The following STK3 variants were observed in gnomAD, a reference collection of about 807,000 sequenced individuals.
STK3 encodes the protein serine/threonine kinase 3, also known as serine/threonine-protein kinase 3.
In STK3, 41 loss-of-function variants were observed where a neutral mutation model predicts 58.0. The observed-to-expected ratio is 0.71, with a 90% CI of 0.55 to 0.92. STK3 has a LOEUF of 0.92. STK3 is among the 40% of genes least tolerant of loss of function. STK3 has a pLI of 0.00. For synonymous variants in STK3, 170 were observed against 191.0 expected (o/e 0.89, Z 0.91); for missense variants, 479 against 602.7 (o/e 0.79, Z 2.15).
chr8:98,791,828 G>A (rs1832823704), intron 1 of STK3, among the ~76,000 whole-genome samples: 2 of 152,016 alleles, frequency 1.3e-5, no homozygotes, highest in African/African-American at 4.8e-5. Flanking sequence ...GATGGATCAG[G>A]GACTTAAATC....
At chr8:98,508,821 C>A (rs1824281676) in intron 10 of STK3, among the ~76,000 whole-genome samples, 2 of 151,874 alleles carry the variant, frequency 1.3e-5, no homozygotes, top group African/African-American at 4.8e-5. Context: ...TTAAAGTAAG[C>A]AAAATTATTA....
At chr8:98,776,231 T>G (rs1388194010) in intron 1 of STK3, among the ~76,000 whole-genome samples, 1 of 152,218 alleles carries the variant, frequency 6.6e-6, no homozygotes, top group Non-Finnish European at 1.5e-5. Flanking sequence ...GTAAACCTGC[T>G]GTGTGGGAAA....
chr8:98,904,849 C>A, intron 1 of STK3: 1 of 671,118 alleles, frequency 1.5e-6, no homozygotes. Flanking sequence ...AGGTATCTGT[C>A]TTAGGGATTA....
intron 1 of STK3, among the ~76,000 whole-genome samples, chr8:98,891,012 T>A (rs1380797364): frequency 6.6e-6 from 1 of 152,252 alleles, no homozygotes; most frequent in Non-Finnish European, 1.5e-5. Context: ...TACAAATGCC[T>A]TCTACTCAGT....
At chr8:98,491,355 A>G (rs917040841) in intron 10 of STK3, among the ~76,000 whole-genome samples, 1 of 152,172 alleles carries the variant, frequency 6.6e-6, no homozygotes, top group African/African-American at 2.4e-5. Flanking sequence ...TTTAGCGATG[A>G]GTATAAAAAC....
At chr8:98,649,474 T>C (rs571088239) in intron 6 of STK3, among the ~76,000 whole-genome samples, 17 of 152,326 alleles carry the variant, frequency 1.1e-4, no homozygotes, top group African/African-American at 3.4e-4. Context: ...GTCTCTAGTA[T>C]ACTTAGAATT....
At chr8:98,747,007 A>C (rs1829684581) in intron 4 of STK3, among the ~76,000 whole-genome samples, 1 of 151,642 alleles carries the variant, frequency 6.6e-6, no homozygotes, top group South Asian at 2.1e-4. Context: ...ACACCACTGC[A>C]TTCTAGCCTG....
chr8:98,808,324 A>G (rs1475753174), intron 1 of STK3, among the ~76,000 whole-genome samples: 1 of 152,232 alleles, frequency 6.6e-6, no homozygotes, highest in African/African-American at 2.4e-5. Context: ...AAACACATGA[A>G]ACAGCTCAGT....
At chr8:98,366,931 C>T (rs531193093), downstream of STK3, among the ~76,000 whole-genome samples, 1 of 152,320 alleles carries the variant, frequency 6.6e-6, no homozygotes, top group Non-Finnish European at 1.5e-5. Context: ...TTGTCACTGC[C>T]CTGTAAGTCA....
chr8:98,413,855 T>C (rs1226521103), intron 3 of STK3: 7 of 538,528 alleles, frequency 1.3e-5, no homozygotes, highest in African/African-American at 3.8e-5. Flanking sequence ...AAGCCAGTAA[T>C]GGTGTGTCAA....
At chr8:98,618,251 C>A (rs867905317) in intron 6 of STK3, among the ~76,000 whole-genome samples, 3 of 149,656 alleles carry the variant, frequency 2.0e-5, no homozygotes, top group Middle Eastern at 3.4e-3. Flanking sequence ...AAGCCTTTGA[C>A]AAAATTCAAC....
chr8:98,698,975 A>G (rs1229497711), intron 6 of STK3, among the ~76,000 whole-genome samples: 1 of 152,154 alleles, frequency 6.6e-6, no homozygotes, highest in Non-Finnish European at 1.5e-5. Flanking sequence ...ACTTGGTTCC[A>G]TTCTCCCCGT....
At chr8:98,352,032 G>A in the STK3 span, among the ~76,000 whole-genome samples, 1 of 151,640 alleles carries the variant, frequency 6.6e-6, no homozygotes, top group Non-Finnish European at 1.5e-5. Context: ...AGCTACCTGG[G>A]AGGCTGAGGC....
intron 3 of STK3, chr8:98,413,857 G>A (rs1421844042): frequency 1.9e-6 from 1 of 535,318 alleles, no homozygotes; most frequent in Non-Finnish European, 3.5e-6. Context: ...GCCAGTAATG[G>A]TGTGTCAAGA....
chr8:98,424,350 CAG>C (rs1818205451), intron 3 of STK3, among the ~76,000 whole-genome samples: 1 of 152,210 alleles, frequency 6.6e-6, no homozygotes. Context: ...GGCTTAGACA[CAG>C]GGCCCTAGTG....
chr8:98,680,259 G>C (rs140576219), intron 6 of STK3, among the ~76,000 whole-genome samples: 1 of 152,222 alleles, frequency 6.6e-6, no homozygotes, highest in Non-Finnish European at 1.5e-5. Context: ...GAGGCAATCA[G>C]AAGAAATACA....
intron 4 of STK3, among the ~76,000 whole-genome samples, chr8:98,731,384 T>C (rs1469260841): frequency 6.6e-6 from 1 of 152,096 alleles, no homozygotes; most frequent in African/African-American, 2.4e-5. Context: ...ATTCTGGCAT[T>C]TATCCCCAGA....
At position 98,495,447 on chromosome 8, in the gene STK3, G is replaced by C. The variant is rs565809536; in HGVS notation, c.1317+31295C>G. 1.4e-4 allele frequency among the ~76,000 whole-genome samples: 21 copies of C among 152,170 alleles called. No individual in the cohort carries two copies. In the South Asian group the frequency reaches 4.4e-3, roughly 32 times the overall value. On this transcript the variant is annotated intron_variant, in intron 10 of 10. Coordinates refer to ENST00000419617, the MANE Select transcript of STK3 (RefSeq NM_006281.4). ...TAGAGGAGCTCTGACCATGAAAAATGTTTTATAAATAGTTCCATGTGCACT... is the reference window on the plus strand; with the variant it reads ...TAGAGGAGCTCTGACCATGAAAAATCTTTTATAAATAGTTCCATGTGCACT...
At chr8:98,646,098 A>C (rs899521701) in intron 6 of STK3, among the ~76,000 whole-genome samples, 8 of 152,240 alleles carry the variant, frequency 5.3e-5, no homozygotes, top group Non-Finnish European at 4.4e-5. Flanking sequence ...GGAAAATAAA[A>C]AGTCAGCCAG....
Sources: gnomAD v4.1 joint callset for allele counts (sites outside exome capture counted in the v4.1 genomes callset) on GRCh38, gnomAD v4.1.1 for gene constraint, MANE v1.5 for transcripts, NCBI Gene and HGNC (gene_info 2026-07-23, HGNC 2026-07-21) for gene names.